The following TENM1 variants were observed in gnomAD, a reference collection of about 807,000 sequenced individuals.
TENM1 encodes the protein teneurin-1.
Under a neutral mutation model 174.8 loss-of-function variants are expected in TENM1, and 35 were observed. That is an observed-to-expected ratio of 0.20 (90% CI 0.15 to 0.27). TENM1 has a LOEUF of 0.27. TENM1 is among the 10% of genes least tolerant of loss of function. The pLI is 1.00. For missense variants in TENM1, 1,633 were observed against 2,130.1 expected (o/e 0.77, Z 4.59); for synonymous variants, 781 against 798.7 (o/e 0.98, Z 0.37).
intron 6 of TENM1, among the ~76,000 whole-genome samples, chrX:124,668,713 T>G (rs1371739230): frequency 3.4e-4 from 31 of 91,969 alleles, no homozygotes; most frequent in Admixed American, 1.1e-3. Context: ...GTGGGGGGAG[T>G]GGGGAGGGAT....
At chrX:124,626,193 T>C (rs924125101) in intron 11 of TENM1, among the ~76,000 whole-genome samples, 5 of 110,870 alleles carry the variant, frequency 4.5e-5, no homozygotes, top group African/African-American at 1.6e-4. Flanking sequence ...AGGTAGAAGC[T>C]TCAGCAGACA....
chrX:124,481,864 G>C, exon 22 of TENM1: 3 of 1,207,732 alleles, frequency 2.5e-6, no homozygotes, highest in Non-Finnish European at 3.4e-6. Context: ...GTCTCCACAA[G>C]AGATTTCAAC....
At position 124,470,127 on chromosome X, in the gene TENM1, A is replaced by G. The variant is rs139497773; in HGVS notation, c.3949+11605T>C. Among the ~76,000 whole-genome samples, 484 of 111,953 alleles carry G rather than the reference A, an allele frequency of 4.3e-3. 2 individuals are homozygous for G. Among genetic ancestry groups the G allele is most frequent in the African/African-American group, 0.015 (449 of 30,823 alleles). ...ACTGCTAAAAATTAACCCTATGTAT[A>G]TACTCACAAAAGTGCTCCAAAATAT... On this transcript the variant is annotated intron_variant, in intron 22 of 31. Coordinates refer to ENST00000422452, the Ensembl canonical transcript of TENM1.
chrX:124,490,458 G>C lies in TENM1; in HGVS notation c.3696-3229C>G, dbSNP rs768934934. ...GCTCTACAAGTTCTCCTGCCTCTCA[G>C]CATTCTAACTGCCCCTAAATGGCTG... is the stretch of plus-strand genomic sequence containing the variant. On this transcript the variant is annotated intron_variant, in intron 20 of 31. Coordinates refer to ENST00000422452, the Ensembl canonical transcript of TENM1. 1.3e-3 allele frequency among the ~76,000 whole-genome samples: 146 copies of C among 111,909 alleles called. 3 individuals carry two copies. Among genetic ancestry groups the C allele is most frequent in the Non-Finnish European group, 3.4e-4 (18 of 53,161 alleles).
In TENM1 at chrX:124,418,386, C is replaced by G. The variant is rs1372463514; in HGVS notation, c.4982+1925G>C. Among the ~76,000 whole-genome samples, 38 of 106,560 alleles carry G rather than the reference C, an allele frequency of 3.6e-4. 1 individual carries two copies. The Admixed American group carries it at 3.8e-3, about 11-fold the overall frequency. The allele number at this position is 106,560 out of a possible 115,157, so 92.5% of individuals were successfully genotyped here. ...ACCCCCCAGATATTCATATGGCTTA[C>G]TCTTACCTCCTACAGATCTTTATGC... On this transcript the variant is annotated intron_variant, in intron 25 of 31. Coordinates refer to ENST00000422452, the Ensembl canonical transcript of TENM1.
At chrX:124,875,707 C>T (rs760691163) in intron 3 of TENM1, among the ~76,000 whole-genome samples, 78 of 108,000 alleles carry the variant, frequency 7.2e-4, no homozygotes, top group Non-Finnish European at 1.3e-3. Flanking sequence ...CATCCATTCT[C>T]TACAAAATTT....
intron 4 of TENM1, among the ~76,000 whole-genome samples, chrX:124,727,787 T>C (rs2053475641): frequency 9.0e-6 from 1 of 111,101 alleles, no homozygotes; most frequent in African/African-American, 3.3e-5. Context: ...GAAACTAAAA[T>C]GAGGGTGCAA....
intron 1 of TENM1, among the ~76,000 whole-genome samples, chrX:124,910,583 T>C (rs1395670111): frequency 1.8e-5 from 2 of 111,939 alleles, no homozygotes; most frequent in African/African-American, 3.2e-5. Context: ...ACAAAACACA[T>C]GCTTGGCTAA....
intron 3 of TENM1, among the ~76,000 whole-genome samples, chrX:124,860,302 C>T (rs2056889197): frequency 9.0e-6 from 1 of 111,698 alleles, no homozygotes; most frequent in Admixed American, 9.5e-5. Flanking sequence ...CTGGCAAGTT[C>T]TCAAATGTAC....
intron 3 of TENM1, among the ~76,000 whole-genome samples, chrX:124,778,403 A>G (rs186654412): frequency 5.4e-5 from 6 of 111,859 alleles, no homozygotes; most frequent in Non-Finnish European, 1.1e-4. Flanking sequence ...TGCTCCCCTC[A>G]CCCTTCAATG....
intron 3 of TENM1, among the ~76,000 whole-genome samples, chrX:124,795,529 A>G (rs921955749): frequency 8.9e-6 from 1 of 111,868 alleles, no homozygotes; most frequent in Non-Finnish European, 1.9e-5. Context: ...TTAGTGGTAA[A>G]TATGATGGTA....
At chrX:125,093,315 A>G in the TENM1 span, among the ~76,000 whole-genome samples, 1 of 111,494 alleles carries the variant, frequency 9.0e-6, no homozygotes, top group South Asian at 3.8e-4. Context: ...ATTACAGCAC[A>G]AAGAGTCACT....
At chrX:124,592,613 T>C (rs1358973127) in intron 11 of TENM1, among the ~76,000 whole-genome samples, 2 of 110,014 alleles carry the variant, frequency 1.8e-5, no homozygotes, top group Non-Finnish European at 3.8e-5. Context: ...TTTTTATATT[T>C]TTAGTAGAGA....
chrX:125,112,263 C>T, the TENM1 span, among the ~76,000 whole-genome samples: 23 of 107,166 alleles, frequency 2.1e-4, no homozygotes, highest in East Asian at 6.8e-3. Flanking sequence ...TGATTTACAA[C>T]TAGAGTTTTG....
chrX:124,395,818 A>T (rs1001872877), intron 27 of TENM1, among the ~76,000 whole-genome samples: 8 of 112,298 alleles, frequency 7.1e-5, no homozygotes, highest in Non-Finnish European at 1.3e-4. Flanking sequence ...CAATAGCTGT[A>T]AAATATCCAT....
intron 4 of TENM1, among the ~76,000 whole-genome samples, chrX:124,732,926 C>T (rs1449164865): frequency 3.1e-4 from 35 of 111,704 alleles, no homozygotes; most frequent in Admixed American, 9.5e-5. Flanking sequence ...CCCGCGTTCC[C>T]GGGGACTGAC....
At chrX:124,637,081 TTTTC>T (rs1196681241) in intron 11 of TENM1, among the ~76,000 whole-genome samples, 8 of 110,122 alleles carry the variant, frequency 7.3e-5, no homozygotes, top group Admixed American at 2.9e-4. Flanking sequence ...TTTTCTTTTC[TTTTC>T]TTTCTTTCTT....
At position 124,766,931 on chromosome X, in the gene TENM1, C is replaced by T. The variant is rs1407122268; in HGVS notation, c.536-29734G>A. 4.5e-5 allele frequency among the ~76,000 whole-genome samples: 5 copies of T among 111,683 alleles called. No individual in the cohort carries two copies. In the South Asian group the frequency reaches 1.9e-3, roughly 42 times the overall value. The stretch of plus-strand genomic sequence containing the variant: ...ATCTGATATCTCTGTAACTTATTAA[C>T]AGCTTATTTAATTATATGTATTACC... On this transcript the variant is annotated intron_variant, in intron 3 of 31. Coordinates refer to ENST00000422452, the Ensembl canonical transcript of TENM1.
chrX:124,918,894 T>A (rs2057974365), intron 1 of TENM1, among the ~76,000 whole-genome samples: 1 of 111,828 alleles, frequency 8.9e-6, no homozygotes. Context: ...TCTGTTCCCA[T>A]TTAGACTGGG....
Sources: allele counts gnomAD v4.1 joint callset (sites outside exome capture counted in the v4.1 genomes callset), GRCh38; gene constraint gnomAD v4.1.1; transcripts MANE v1.5; gene names NCBI Gene and HGNC (gene_info 2026-07-23, HGNC 2026-07-21).